The following IL10 variants were observed in gnomAD, a reference collection of about 807,000 sequenced individuals.
IL10 encodes interleukin-10.
Under a neutral mutation model 21.0 loss-of-function variants are expected in IL10, and 7 were observed. That is an observed-to-expected ratio of 0.33 (90% CI 0.19 to 0.63). The LOEUF (loss-of-function observed/expected upper bound fraction) is 0.63, where lower values mean the gene tolerates loss of function less well. IL10 is among the 20% of genes least tolerant of loss of function. IL10 has a pLI of 0.77. For synonymous variants in IL10, 83 were observed against 79.7 expected (o/e 1.04, Z -0.22); for missense variants, 161 against 213.0 (o/e 0.76, Z 1.52).
chr1:206,769,819 C>T lies in IL10; in HGVS notation c.444+10G>A. 1 of 1,611,430 alleles carries T rather than the reference C, an allele frequency of 6.2e-7. No homozygotes were observed. The highest frequency in any genetic ancestry group is 8.5e-7 in the Non-Finnish European group (1 of 1,177,612). ...CTCTGCAGACCCTCTCTGCCACCAT[C>T]CAAGCTCACCTTATTAAAGGCATTC... On this transcript the variant is annotated intron_variant, in intron 4 of 4. Transcript: ENST00000423557.
chr1:206,772,428 C>A lies in IL10; in HGVS notation c.8G>T (p.Ser3Ile). ...GACCAGGCAACAGAGCAGTGCTGAG[C>A]TGTGCATGCCTTCTTTTGCAAGTCT... MHSSALLCCLVLL... is the reference protein window; with the variant it reads MHISALLCCLVLL... The change falls in exon 1 of 5, where the codon AGC (serine) becomes ATC (isoleucine). Residue 3 changes from serine (S) to isoleucine (I), a missense_variant. Physicochemically the swap from Ser to Ile is moderately radical, Grantham distance 142 (BLOSUM62 -2). Coordinates refer to ENST00000423557, the MANE Select transcript of IL10 (RefSeq NM_000572.3). 1 of 1,614,082 alleles carries A rather than the reference C, an allele frequency of 6.2e-7. No homozygotes were observed. Among genetic ancestry groups the A allele is most frequent in the Non-Finnish European group, 8.5e-7 (1 of 1,180,024 alleles).
At chr1:206,769,528 T>G in intron 4 of IL10, 2 of 496,374 alleles carry the variant, frequency 4.0e-6, no homozygotes, top group East Asian at 3.6e-5. Context: ...TCTGTTTCCT[T>G]TGTCACTCTC....
At chr1:206,769,143 G>A (rs976341923) in intron 4 of IL10, among the ~76,000 whole-genome samples, 3 of 152,150 alleles carry the variant, frequency 2.0e-5, no homozygotes, top group East Asian at 1.9e-4. Flanking sequence ...CTGCCCTGCC[G>A]CCCTGACCTA....
In IL10 at chr1:206,772,390, C is replaced by T; in HGVS notation, c.46G>A (p.Val16Met). 1 of 1,614,102 alleles carries T rather than the reference C, an allele frequency of 6.2e-7. No individual in the cohort carries two copies. The highest frequency in any genetic ancestry group is 8.5e-7 in the Non-Finnish European group (1 of 1,179,940). The change falls in exon 1 of 5, where the codon GTG becomes ATG. Residue 16 changes from valine (V) to methionine (M), a missense_variant. Coordinates refer to ENST00000423557, the MANE Select transcript of IL10 (RefSeq NM_000572.3). The stretch of plus-strand genomic sequence containing the variant: ...GTGCCCTGGCCTGGGCTGGCCCTCA[C>T]CCCAGTCAGGAGGACCAGGCAACAG... ...LLCCLVLLTGVRASPGQGTQS... is the reference protein window; with the variant it reads ...LLCCLVLLTGMRASPGQGTQS...
chr1:206,768,824 G>A (rs568651896), intron 4 of IL10, 96 bp from the exon 5 acceptor site: 7 of 769,386 alleles, frequency 9.1e-6, no homozygotes, highest in African/African-American at 3.4e-5. Flanking sequence ...GACCTTGAGT[G>A]CAGAGGTTGC....
At chr1:206,770,796 C>T in intron 3 of IL10, 111 bp downstream of exon 3, 1 of 1,060,080 alleles carries the variant, frequency 9.4e-7, no homozygotes, top group Non-Finnish European at 1.5e-6. Context: ...TTACAGCTAG[C>T]TCTGCCAGTC....
intron 4 of IL10, among the ~76,000 whole-genome samples, chr1:206,769,350 C>T (rs569063013): frequency 6.6e-6 from 1 of 152,372 alleles, no homozygotes; most frequent in South Asian, 2.1e-4. Flanking sequence ...AGATGGAAAG[C>T]GGGCTTGAAC....
rs34162991 is a variant in IL10, at chr1:206,767,741, A to AT, written c.*894dup. The AT allele has an allele frequency of 6.6e-6, 1 of 152,026 alleles. No homozygotes were observed. Among genetic ancestry groups the AT allele is most frequent in the African/African-American group, 2.4e-5 (1 of 41,360 alleles). The allele number at this position is 152,026 out of a possible 1,614,324, so 9.4% of individuals were successfully genotyped here. ...TAGAACCAAATTTATTTTTATTTTT[A>AT]TTTTTTGAGACAGAGTCTTGCTCTG... is the stretch of plus-strand genomic sequence containing the variant. On this transcript the variant is annotated 3_prime_UTR_variant, in exon 5 of 5. Coordinates refer to ENST00000423557, the MANE Select transcript of IL10 (RefSeq NM_000572.3).
chr1:206,769,754 C>T, intron 4 of IL10, 75 bp downstream of exon 4: 1 of 1,170,436 alleles, frequency 8.5e-7, no homozygotes, highest in Non-Finnish European at 1.3e-6. Context: ...GTCCCCACCA[C>T]CTTCCATGCT....
At position 206,771,537 on chromosome 1, in the gene IL10, A is replaced by C. The variant is rs549649349; in HGVS notation, c.166-122T>G. 128 of 796,968 alleles carry C rather than the reference A, an allele frequency of 1.6e-4. No individual in the cohort carries two copies. The African/African-American group carries it at 1.8e-3, about 11-fold the overall frequency. 49.4% of individuals were successfully genotyped at this position (796,968 alleles called of 1,614,324 possible). A position where few individuals can be genotyped will look rare whatever the true frequency, so the allele number is the denominator to read the frequency against. ...AAATAAAATTGGCTCTGGCCCAAAA[A>C]AATCAAAAGGGGAGTTTTAAAAACA... is the stretch of plus-strand genomic sequence containing the variant. On this transcript the variant is annotated intron_variant, in intron 1 of 4. Coordinates refer to ENST00000423557, the MANE Select transcript of IL10 (RefSeq NM_000572.3).
chr1:206,770,831 G>A lies in IL10; in HGVS notation c.378+76C>T, dbSNP rs1021811350. ...CTGTGTCTTTGCTGTGTCTGTGGAT[G>A]TGAGTGTCCCTGCTGGTCTGTAGGA... On this transcript the variant is annotated intron_variant, in intron 3 of 4. Coordinates refer to ENST00000423557, the MANE Select transcript of IL10 (RefSeq NM_000572.3). The A allele has an allele frequency of 3.0e-5, 41 of 1,374,750 alleles. 1 individual carries two copies. Among genetic ancestry groups the A allele is most frequent in the Non-Finnish European group, 4.1e-5 (39 of 960,534 alleles). The allele number at this position is 1,374,750 out of a possible 1,614,324, so 85.2% of individuals were successfully genotyped here.
At position 206,770,912 on chromosome 1, in the gene IL10, G is replaced by A. The variant is rs771912629; in HGVS notation, c.373C>T (p.Arg125Cys). 4 of 1,613,980 alleles carry A rather than the reference G, an allele frequency of 2.5e-6. No homozygotes were observed. Among genetic ancestry groups the A allele is most frequent in the Non-Finnish European group, 3.4e-6 (4 of 1,179,872 alleles). Reference protein sequence around the residue: ...NLKTLRLRLRRCHRFLPCENK... With the variant: ...NLKTLRLRLRCCHRFLPCENK... Reference sequence around the variant, plus strand: ...AAAACTGATCTGCTACTTACACAGCGCCGTAGCCTCAGCCTGAGGGTCTTC... The same window carrying A: ...AAAACTGATCTGCTACTTACACAGCACCGTAGCCTCAGCCTGAGGGTCTTC... Residue 125 changes from arginine to cysteine, a missense_variant, in exon 3 of 5, where the codon CGC becomes TGC. Arg to Cys is a radical substitution (Grantham distance 180). Coordinates refer to ENST00000423557, the MANE Select transcript of IL10 (RefSeq NM_000572.3).
chr1:206,771,101 T>G (rs1004062279), intron 2 of IL10, 42 bp from the exon 3 acceptor site: 1 of 1,610,200 alleles, frequency 6.2e-7, no homozygotes, highest in Non-Finnish European at 8.5e-7. Context: ...TTGGCGGAGG[T>G]GGCTGGGAGG....
At position 206,771,001 on chromosome 1, in the gene IL10, A is replaced by G. The variant is rs1354773439; in HGVS notation, c.284T>C (p.Met95Thr). The part of the protein sequence containing the change: ...EMIQFYLEEV[M>T]PQAENQDPDI... ...TGGGTCTTGGTTCTCAGCTTGGGGC[A>G]TCACCTCCTCCAGGTAAAACTGGAT... is the stretch of plus-strand genomic sequence containing the variant. Residue 95 changes from methionine (M) to threonine (T), a missense_variant, in exon 3 of 5, where the codon ATG becomes ACG. Coordinates refer to ENST00000423557, the MANE Select transcript of IL10 (RefSeq NM_000572.3). 2 of 1,614,026 alleles carry G rather than the reference A, an allele frequency of 1.2e-6. No individual in the cohort carries two copies. Among genetic ancestry groups the G allele is most frequent in the South Asian group, 1.1e-5 (1 of 91,086 alleles).
At position 206,771,345 on chromosome 1, in the gene IL10, C is replaced by T. The variant is rs1284710161; in HGVS notation, c.225+11G>A. 1 of 1,612,516 alleles carries T rather than the reference C, an allele frequency of 6.2e-7. No individual in the cohort carries two copies. The highest frequency in any genetic ancestry group is 8.5e-7 in the Non-Finnish European group (1 of 1,178,764). ...CTGCACACTCCCCCAGCACCCCGCC[C>T]CTGCTCTCACCTTAAAGTCCTCCAG... On this transcript the variant is annotated intron_variant, in intron 2 of 4. Coordinates refer to ENST00000423557, the MANE Select transcript of IL10 (RefSeq NM_000572.3).
chr1:206,772,210 G>A, intron 1 of IL10, 61 bp downstream of exon 1: 1 of 1,465,094 alleles, frequency 6.8e-7, no homozygotes, highest in Non-Finnish European at 9.6e-7. Flanking sequence ...ATAGTTCCAG[G>A]AGAATGTCTA....
At position 206,772,275 on chromosome 1, in the gene IL10, A is replaced by T. The variant is rs771131184; in HGVS notation, c.161T>A (p.Phe54Tyr). 9 of 1,613,962 alleles carry T rather than the reference A, an allele frequency of 5.6e-6. No homozygotes were observed. Among genetic ancestry groups the T allele is most frequent in the Non-Finnish European group, 7.6e-6 (9 of 1,179,840 alleles). Residue 54 changes from phenylalanine to tyrosine, a missense_variant, in exon 1 of 5, where the codon TTC becomes TAC. Phe to Tyr is a conservative substitution (Grantham distance 22). Transcript: ENST00000423557. The stretch of plus-strand genomic sequence containing the variant: ...ACAGGAAGGAATCATACTCACAAAG[A>T]AAGTCTTCACTCTGCTGAAGGCATC... ...LRDAFSRVKT[F>Y]FQMKDQLDNL...
intron 1 of IL10, among the ~76,000 whole-genome samples, chr1:206,771,629 A>G (rs1674847352): frequency 1.3e-5 from 2 of 152,222 alleles, no homozygotes; most frequent in African/African-American, 4.8e-5. Context: ...AGTTATTTAA[A>G]AAATCTGGCC....
Position 206,768,101 on chromosome 1 carries a change from A to ATCTC in IL10, c.*534_*535insGAGA. ...TCAAGAATGAAGTGGTTGGGGAATG[A>ATCTC]GGTTAGGGGAATCCCTCCGAGACAC... On this transcript the variant is annotated 3_prime_UTR_variant, in exon 5 of 5. Coordinates refer to ENST00000423557, the MANE Select transcript of IL10 (RefSeq NM_000572.3). 1 of 205,680 alleles carries ATCTC rather than the reference A, an allele frequency of 4.9e-6. No homozygotes were observed. Among genetic ancestry groups the ATCTC allele is most frequent in the Admixed American group, 5.9e-5 (1 of 16,904 alleles). 12.7% of individuals were successfully genotyped at this position (205,680 alleles called of 1,614,324 possible).
Sources: gnomAD v4.1 joint callset for allele counts (sites outside exome capture counted in the v4.1 genomes callset) on GRCh38, gnomAD v4.1.1 for gene constraint, MANE v1.5 for transcripts, NCBI Gene and HGNC (gene_info 2026-07-23, HGNC 2026-07-21) for gene names.